Variants in MYO1F observed in about 807,000 individuals in gnomAD.
MYO1F encodes unconventional myosin-If.
In MYO1F, 60 loss-of-function variants were observed where a neutral mutation model predicts 146.6. The ratio of observed to expected loss-of-function variants is 0.41; its 90% CI spans 0.33 to 0.51. The LOEUF is 0.51. Ranked by LOEUF, MYO1F falls within the 20% of genes least tolerant of loss-of-function variation. The pLI is 0.25. For synonymous variants in MYO1F, 602 were observed against 602.1 expected (o/e 1.00, Z 0.00); for missense variants, 1,274 against 1,534.3 (o/e 0.83, Z 2.83).
At chr19:8,523,157 G>A (rs189096925) in intron 25 of MYO1F, among the ~76,000 whole-genome samples, 78 of 150,600 alleles carry the variant, frequency 5.2e-4, no homozygotes, top group African/African-American at 1.8e-3. Flanking sequence ...TCAGCCTCCC[G>A]AGTAGCTGGG....
intron 10 of MYO1F, among the ~76,000 whole-genome samples, chr19:8,549,221 G>T (rs145984163): frequency 6.6e-6 from 1 of 152,102 alleles, no homozygotes; most frequent in Non-Finnish European, 1.5e-5. Flanking sequence ...CAAAGTGCTG[G>T]GATTACAGGC....
At chr19:8,534,062 C>T (rs1972602839) in intron 19 of MYO1F, among the ~76,000 whole-genome samples, 1 of 151,476 alleles carries the variant, frequency 6.6e-6, no homozygotes, top group African/African-American at 2.4e-5. Context: ...GCCTGTAATT[C>T]CAGCTACTTG....
chr19:8,542,032 C>T (rs1417245073), intron 14 of MYO1F, 41 bp from the exon 15 acceptor site: 1 of 1,564,644 alleles, frequency 6.4e-7, no homozygotes, highest in Non-Finnish European at 8.8e-7. Context: ...GACTGAGAAA[C>T]CTGGCTGGGA....
intron 1 of MYO1F, among the ~76,000 whole-genome samples, chr19:8,567,124 C>T (rs912714265): frequency 1.1e-4 from 16 of 146,420 alleles, no homozygotes; most frequent in East Asian, 8.0e-4. Flanking sequence ...TGCAGTGGTA[C>T]GACTTTGGCT....
In MYO1F at chr19:8,541,925, G is replaced by A. The variant is rs1436758306; in HGVS notation, c.1591C>T (p.Leu531=). The A allele has an allele frequency of 1.2e-6, 2 of 1,613,416 alleles. No homozygotes were observed. The highest frequency in any genetic ancestry group is 1.7e-6 in the Non-Finnish European group (2 of 1,179,956). ...RDVLFSDLIE[L]MQTSEQAFLR... is the part of the protein sequence containing the mutation. ...ACTCACTGCTCACTGGTCTGCATCA[G>A]CTCTATGAGGTCGGAGAAGAGAACG... Residue 531 remains leucine (L), a synonymous_variant, in exon 15 of 28, where the codon CTG becomes TTG. Transcript: ENST00000644032.
At chr19:8,543,535 A>G (rs1033033929) in intron 14 of MYO1F, among the ~76,000 whole-genome samples, 9 of 151,690 alleles carry the variant, frequency 5.9e-5, no homozygotes, top group Non-Finnish European at 1.0e-4. Flanking sequence ...GCTGGTGTTA[A>G]TCGGGGGGAA....
At chr19:8,559,046 T>C (rs1222507294) in intron 1 of MYO1F, among the ~76,000 whole-genome samples, 1 of 151,722 alleles carries the variant, frequency 6.6e-6, no homozygotes, top group Non-Finnish European at 1.5e-5. Context: ...GCCCAGCTAA[T>C]TTTTTGTATT....
intron 1 of MYO1F, among the ~76,000 whole-genome samples, chr19:8,567,307 C>T (rs1477695472): frequency 6.6e-6 from 1 of 151,918 alleles, no homozygotes; most frequent in East Asian, 1.9e-4. Context: ...CCTTGTGATC[C>T]ACCTGCCTCG....
Position 8,552,066 on chromosome 19 carries a change from A to G in MYO1F, c.603T>C (p.Asn201=), listed in dbSNP as rs765938155. ...AGATGTGGAAGTTCCTCTCATTTTC[A>G]TTTTGCATGACCACGCGGGACTTCT... ...LLEKSRVVMQ[N]ENERNFHIYY... Residue 201 remains asparagine (N), a synonymous_variant, in exon 7 of 28, where the codon AAT becomes AAC. Coordinates refer to ENST00000644032, the MANE Select transcript of MYO1F (RefSeq NM_012335.4). 1 of 1,613,598 alleles carries G rather than the reference A, an allele frequency of 6.2e-7. No homozygotes were observed. The highest frequency in any genetic ancestry group is 2.2e-5 in the East Asian group (1 of 44,838).
chr19:8,553,452 A>T lies in MYO1F; in HGVS notation c.327-15T>A. 6.2e-7 allele frequency: 1 copy of T among 1,609,424 alleles called. No homozygotes were observed. The highest frequency in any genetic ancestry group is 8.5e-7 in the Non-Finnish European group (1 of 1,175,746). On this transcript the variant is annotated splice_polypyrimidine_tract_variant and intron_variant, in intron 4 of 27. Transcript: ENST00000644032. ...CACTCTCTCCACTGGGGATGAATGG[A>T]GGAATAAATGATCAGTGGTTGGGGA...
chr19:8,536,469 T>C, intron 18 of MYO1F, 30 bp downstream of exon 18: 1 of 1,496,318 alleles, frequency 6.7e-7, no homozygotes, highest in East Asian at 2.3e-5. Context: ...ATGAAGGGGA[T>C]GGCGAGGGCG....
chr19:8,544,026 G>GTGC (rs1973215684), intron 14 of MYO1F: 2 of 542,578 alleles, frequency 3.7e-6, no homozygotes, highest in African/African-American at 2.1e-5. Context: ...GGCGGTGGCG[G>GTGC]TGGCGGTGGC....
intron 1 of MYO1F, among the ~76,000 whole-genome samples, chr19:8,573,186 C>T (rs1555732380): frequency 6.6e-6 from 1 of 152,138 alleles, no homozygotes; most frequent in Non-Finnish European, 1.5e-5. Context: ...TGGCGGGCGC[C>T]TGTAGTCCCA....
chr19:8,573,165 G>C lies in MYO1F; in HGVS notation c.3+4142C>G, dbSNP rs187659034. 6.8e-3 allele frequency among the ~76,000 whole-genome samples: 1,034 copies of C among 152,194 alleles called. 12 individuals carry two copies. Among genetic ancestry groups the C allele is most frequent in the African/African-American group, 0.024 (984 of 41,534 alleles). ...CTACTAAAAAAATAGAAAAAAATTA[G>C]CCAGGCATGGTGGCGGGCGCCTGTA... is the stretch of plus-strand genomic sequence containing the variant. On this transcript the variant is annotated intron_variant, in intron 1 of 27. Transcript: ENST00000644032.
chr19:8,561,129 C>T (rs989027642), intron 1 of MYO1F, among the ~76,000 whole-genome samples: 1 of 152,084 alleles, frequency 6.6e-6, no homozygotes, highest in African/African-American at 2.4e-5. Flanking sequence ...AGTGATCCTC[C>T]CACCTTGGCC....
Position 8,530,784 on chromosome 19 carries a change from A to T in MYO1F, c.2044-211T>A, listed in dbSNP as rs1358222036. Among the ~76,000 whole-genome samples the T allele has an allele frequency of 6.6e-6, 1 of 152,226 alleles. No individual in the cohort carries two copies. The highest frequency in any genetic ancestry group is 1.9e-4 in the East Asian group (1 of 5,192). On this transcript the variant is annotated intron_variant, in intron 19 of 27. Transcript: ENST00000644032. This position sits in a 1 kb window ranked among gnomAD's most constrained non-coding sequence, Gnocchi z 5.8. ...GCCGGGCGCAGTGGCTCACGCCTGT[A>T]ATCCTAGCACTTCGGGAGGCCGAGG...
At chr19:8,551,026 G>C (rs1235164099) in intron 8 of MYO1F, among the ~76,000 whole-genome samples, 3 of 150,504 alleles carry the variant, frequency 2.0e-5, no homozygotes, top group African/African-American at 7.4e-5. Flanking sequence ...GATTACAGGC[G>C]TGAGCGTCGT....
At chr19:8,567,228 G>A (rs1331917470) in intron 1 of MYO1F, among the ~76,000 whole-genome samples, 1 of 151,408 alleles carries the variant, frequency 6.6e-6, no homozygotes, top group Non-Finnish European at 1.5e-5. Flanking sequence ...CACCAAGCCT[G>A]CTAATTTTTG....
At chr19:8,544,661 G>A (rs970622640) in intron 13 of MYO1F, among the ~76,000 whole-genome samples, 197 bp from the exon 14 acceptor site, 7 of 151,974 alleles carry the variant, frequency 4.6e-5, no homozygotes, top group Admixed American at 3.9e-4. Context: ...GGGATAGGGG[G>A]GCAAGGGTGT....
Sources: allele counts gnomAD v4.1 joint callset (sites outside exome capture counted in the v4.1 genomes callset), GRCh38; gene constraint gnomAD v4.1.1; non-coding constraint Gnocchi (gnomAD v3.1); transcripts MANE v1.5; gene names NCBI Gene and HGNC (gene_info 2026-07-23, HGNC 2026-07-21).